Variants in IRF8 observed in about 807,000 individuals in gnomAD.
The protein encoded by IRF8 is interferon consensus sequence binding protein 1.
In IRF8, 14 loss-of-function variants were observed where a neutral mutation model predicts 48.7. The ratio of observed to expected loss-of-function variants is 0.29; its 90% CI spans 0.19 to 0.45. The LOEUF (loss-of-function observed/expected upper bound fraction) is 0.45. Ranked by LOEUF, IRF8 falls within the 20% of genes least tolerant of loss-of-function variation. The probability of loss-of-function intolerance (pLI) is 1.00; values close to 1 mark genes in which losing one functional copy is unlikely to be tolerated. For synonymous variants in IRF8, 278 were observed against 227.3 expected, an observed-to-expected ratio of 1.22 and a Z score of -2.01; for missense variants, 493 against 580.7, an observed-to-expected ratio of 0.85 and a Z score of 1.55.
In IRF8 at chr16:85,907,532, G is replaced by T. The variant is rs1025229574; in HGVS notation, c.175-1458G>T. Reference sequence around the variant, plus strand: ...GTCTGTACTAAAAATACAAAAATTAGCTGGGTATGGTGGTGCACACCTGTA... The same window carrying T: ...GTCTGTACTAAAAATACAAAAATTATCTGGGTATGGTGGTGCACACCTGTA... On this transcript the variant is annotated intron_variant, in intron 2 of 8. Transcript: ENST00000268638. Among the ~76,000 whole-genome samples, 6 of 152,170 alleles carry T rather than the reference G, an allele frequency of 3.9e-5. No homozygotes were observed. In the East Asian group the frequency reaches 5.8e-4, roughly 15 times the overall value.
chr16:85,903,213 C>A (rs755494599), intron 2 of IRF8, 24 bp downstream of exon 2: 1 of 1,598,840 alleles, frequency 6.3e-7, no homozygotes, highest in South Asian at 1.1e-5. Flanking sequence ...CTCCCTTCCC[C>A]ACTGTGGGCA....
At position 85,902,866 on chromosome 16, in the gene IRF8, A is replaced by C. The variant is rs949371856; in HGVS notation, c.-1-149A>C. 4 of 801,006 alleles carry C rather than the reference A, an allele frequency of 5.0e-6. No homozygotes were observed. In the African/African-American group the frequency reaches 6.7e-5, roughly 13 times the overall value. 49.6% of individuals were successfully genotyped at this position (801,006 alleles called of 1,614,324 possible). ...GAGGCCAGCATTGCCTTCTCATGGCAGGTGTCCCGGAGTCCCTGAATCTGT... is the reference window on the plus strand; with the variant it reads ...GAGGCCAGCATTGCCTTCTCATGGCCGGTGTCCCGGAGTCCCTGAATCTGT... On this transcript the variant is annotated intron_variant, in intron 1 of 8. Coordinates refer to ENST00000268638, the MANE Select transcript of IRF8 (RefSeq NM_002163.4).
intron 3 of IRF8, 110 bp downstream of exon 3, chr16:85,909,283 G>C (rs1905081832): frequency 2.4e-6 from 2 of 841,820 alleles, no homozygotes; most frequent in Non-Finnish European, 2.0e-6. Flanking sequence ...CATAGTTTCA[G>C]TTAAACAAAG....
intron 1 of IRF8, among the ~76,000 whole-genome samples, chr16:85,899,621 A>G (rs1316215028): frequency 6.6e-6 from 1 of 152,276 alleles, no homozygotes; most frequent in Non-Finnish European, 1.5e-5. Flanking sequence ...AGAGTTGTGG[A>G]ACTGCCCAAT....
chr16:85,899,297 G>C (rs1904743998), intron 1 of IRF8, 74 bp downstream of exon 1: 2 of 152,332 alleles, frequency 1.3e-5, no homozygotes, highest in South Asian at 2.1e-4. Flanking sequence ...CGCCAGGCGG[G>C]GCGTGGGGGT....
Position 85,918,809 on chromosome 16 carries a change from T to G in IRF8, c.988+6T>G. On this transcript the variant is annotated splice_donor_region_variant and intron_variant, in intron 7 of 8. Transcript: ENST00000268638. The stretch of plus-strand genomic sequence containing the variant: ...CACCAGCCAGTTCTTCCGAGGTCTG[T>G]ACCGTCGTCACCTTGCTGCCCCCAC... 6.2e-7 allele frequency: 1 copy of G among 1,606,452 alleles called. No homozygotes were observed. Among genetic ancestry groups the G allele is most frequent in the Non-Finnish European group, 8.5e-7 (1 of 1,179,972 alleles).
intron 2 of IRF8, among the ~76,000 whole-genome samples, chr16:85,905,678 C>T (rs751916539): frequency 1.6e-4 from 25 of 152,196 alleles, no homozygotes; most frequent in Non-Finnish European, 3.2e-4. Context: ...GTCTCTGTGA[C>T]GTTGGCCGGA....
intron 1 of IRF8, 25 bp downstream of exon 1, chr16:85,899,248 G>GC (rs1022311459): frequency 6.6e-6 from 1 of 152,216 alleles, no homozygotes; most frequent in Non-Finnish European, 1.5e-5. Context: ...CGGGTAGGGC[G>GC]CCCGTGTCCC....
At chr16:85,900,447 A>C (rs1005377719) in intron 1 of IRF8, among the ~76,000 whole-genome samples, 3 of 152,252 alleles carry the variant, frequency 2.0e-5, no homozygotes, top group African/African-American at 7.2e-5. Context: ...ATGTTTAATA[A>C]ATCATTATGG....
chr16:85,914,142 G>A (rs1047861700), intron 5 of IRF8: 2 of 391,330 alleles, frequency 5.1e-6, no homozygotes, highest in Non-Finnish European at 9.8e-6. Flanking sequence ...GCCCTGGGTG[G>A]TGGGTATGCA....
chr16:85,914,946 T>C (rs1905255721), intron 6 of IRF8, among the ~76,000 whole-genome samples: 2 of 152,168 alleles, frequency 1.3e-5, no homozygotes, highest in South Asian at 4.1e-4. Flanking sequence ...AGAGTACTCT[T>C]TGAGGCTGTA....
chr16:85,919,783 C>T (rs1905474940), intron 7 of IRF8, among the ~76,000 whole-genome samples: 1 of 152,222 alleles, frequency 6.6e-6, no homozygotes, highest in South Asian at 2.1e-4. Flanking sequence ...TGGGTGTCCT[C>T]AGGTCGGGGT....
intron 2 of IRF8, among the ~76,000 whole-genome samples, chr16:85,906,759 C>G (rs1205904207): frequency 1.3e-5 from 2 of 152,220 alleles, no homozygotes; most frequent in South Asian, 4.2e-4. Context: ...CATGATTTAC[C>G]CTCCAGGGAA....
intron 1 of IRF8, among the ~76,000 whole-genome samples, chr16:85,899,715 T>A (rs1003143713): frequency 6.6e-6 from 1 of 152,330 alleles, no homozygotes; most frequent in African/African-American, 2.4e-5. Context: ...AATTAAGATT[T>A]CTGAGTCTGG....
intron 2 of IRF8, among the ~76,000 whole-genome samples, chr16:85,905,720 C>T (rs893734442): frequency 2.6e-5 from 4 of 152,208 alleles, no homozygotes; most frequent in East Asian, 1.9e-4. Context: ...AAGTCAACCT[C>T]GGTCAGGTAG....
At chr16:85,908,365 G>A (rs1453639948) in intron 2 of IRF8, among the ~76,000 whole-genome samples, 1 of 152,016 alleles carries the variant, frequency 6.6e-6, no homozygotes, top group African/African-American at 2.4e-5. Flanking sequence ...AGATCCTAAG[G>A]TTTGGAAAAG....
At position 85,918,727 on chromosome 16, in the gene IRF8, G is replaced by A; in HGVS notation, c.912G>A (p.Val304=). ...GCGTGTTCTGCAGCGGCAACGCCGT[G>A]GTGTGCAAAGGCAGGCCCAACAAGC... ...QGRVFCSGNA[V]VCKGRPNKLE... Residue 304 remains valine (V), a synonymous_variant, in exon 7 of 9, where the codon GTG becomes GTA. Transcript: ENST00000268638. The A allele has an allele frequency of 3.7e-6, 6 of 1,612,648 alleles. No individual in the cohort carries two copies. The highest frequency in any genetic ancestry group is 5.1e-6 in the Non-Finnish European group (6 of 1,180,028).
At chr16:85,915,108 G>A (rs1485980909) in intron 6 of IRF8, among the ~76,000 whole-genome samples, 1 of 106,672 alleles carries the variant, frequency 9.4e-6, no homozygotes, top group Admixed American at 8.7e-5. Context: ...TTCCCATTTC[G>A]CGGGCTCAGG....
chr16:85,909,834 C>T (rs150433021), intron 3 of IRF8: 1 of 152,982 alleles, frequency 6.5e-6, no homozygotes, highest in African/African-American at 2.4e-5. Flanking sequence ...TGTGCTGTGC[C>T]GCTGCCATGA....
Sources: allele counts gnomAD v4.1 joint callset (sites outside exome capture counted in the v4.1 genomes callset), GRCh38; gene constraint gnomAD v4.1.1; transcripts MANE v1.5; gene names NCBI Gene and HGNC (gene_info 2026-07-23, HGNC 2026-07-21).